The following DOCK4 variants were observed in gnomAD, a reference collection of about 807,000 sequenced individuals.
DOCK4 encodes the protein dedicator of cytokinesis protein 4.
Under a neutral mutation model 268.1 loss-of-function variants are expected in DOCK4, and 97 were observed. That is an observed-to-expected ratio of 0.36 (90% CI 0.31 to 0.43). DOCK4 has a LOEUF of 0.43. DOCK4 is among the 20% of genes least tolerant of loss of function. The pLI is 1.00. For missense variants in DOCK4, 2,145 were observed against 2,455.7 expected (o/e 0.87, Z 2.67); for synonymous variants, 954 against 887.2 (o/e 1.08, Z -1.34).
intron 17 of DOCK4, among the ~76,000 whole-genome samples, chr7:111,876,771 A>G (rs1200074236): frequency 6.9e-6 from 1 of 144,944 alleles, no homozygotes; most frequent in Non-Finnish European, 1.5e-5. Flanking sequence ...TTTTCAAAGC[A>G]TCTGGGTTTT....
chr7:112,101,850 T>TC (rs770639445), intron 1 of DOCK4, among the ~76,000 whole-genome samples: 2 of 151,474 alleles, frequency 1.3e-5, no homozygotes, highest in East Asian at 1.9e-4. Context: ...TTTTTCTTTT[T>TC]TTTTTTTTTG....
intron 1 of DOCK4, among the ~76,000 whole-genome samples, chr7:112,197,683 T>G (rs1820573661): frequency 6.6e-6 from 1 of 152,180 alleles, no homozygotes; most frequent in Non-Finnish European, 1.5e-5. Context: ...CTGTTTGAAA[T>G]TTGGGGTCTG....
rs190247203 is a variant in DOCK4, at chr7:112,144,719, T to C, written c.37+61383A>G. Among the ~76,000 whole-genome samples the C allele has an allele frequency of 2.2e-4, 34 of 152,320 alleles. 1 individual carries two copies. The highest frequency in any genetic ancestry group is 1.1e-3 in the Admixed American group (17 of 15,304). On this transcript the variant is annotated intron_variant, in intron 1 of 52. Coordinates refer to ENST00000428084, the MANE Select transcript of DOCK4 (RefSeq NM_001363540.2). ...TGGCACAGCTGAGAAAATATCCTAG[T>C]AGTTTTTGCAAACATCTTTCTATCA...
intron 1 of DOCK4, among the ~76,000 whole-genome samples, chr7:112,130,460 G>A (rs933875129): frequency 3.9e-5 from 6 of 152,128 alleles, no homozygotes; most frequent in African/African-American, 1.2e-4. Context: ...ACATAAACAA[G>A]ATGTCATGGT....
At chr7:112,037,388 C>T (rs1803902904) in intron 1 of DOCK4, among the ~76,000 whole-genome samples, 1 of 152,118 alleles carries the variant, frequency 6.6e-6, no homozygotes, top group Non-Finnish European at 1.5e-5. Flanking sequence ...TAACCAATGC[C>T]CCAACTAGGA....
At chr7:111,934,285 A>G (rs934148205) in intron 12 of DOCK4, among the ~76,000 whole-genome samples, 1 of 152,168 alleles carries the variant, frequency 6.6e-6, no homozygotes, top group Non-Finnish European at 1.5e-5. Context: ...TATATATGCT[A>G]TATAATGTAG....
At chr7:111,888,920 A>T (rs1051582777) in intron 16 of DOCK4, among the ~76,000 whole-genome samples, 1 of 152,114 alleles carries the variant, frequency 6.6e-6, no homozygotes, top group African/African-American at 2.4e-5. Flanking sequence ...GACACTAGAC[A>T]CCTGGCTTAG....
At chr7:112,000,080 C>T (rs1340648484) in intron 3 of DOCK4, among the ~76,000 whole-genome samples, 1 of 152,036 alleles carries the variant, frequency 6.6e-6, no homozygotes, top group Non-Finnish European at 1.5e-5. Context: ...GGACTCTTAA[C>T]ATGCCGCTAA....
chr7:111,828,990 TG>T (rs1236112427), intron 26 of DOCK4, among the ~76,000 whole-genome samples: 1 of 151,572 alleles, frequency 6.6e-6, no homozygotes, highest in African/African-American at 2.4e-5. Context: ...TAGGATACGT[TG>T]GGGGTTAGGA....
At chr7:112,205,772 GACACACACACAC>G (rs35579043) in intron 1 of DOCK4, among the ~76,000 whole-genome samples, 3 of 148,756 alleles carry the variant, frequency 2.0e-5, no homozygotes, top group African/African-American at 7.4e-5. Flanking sequence ...CTTCCAACTT[GACACACACACAC>G]ACACACACAC....
At chr7:112,057,774 T>A (rs1805968958) in intron 1 of DOCK4, among the ~76,000 whole-genome samples, 1 of 151,582 alleles carries the variant, frequency 6.6e-6, no homozygotes, top group Non-Finnish European at 1.5e-5. Flanking sequence ...GACCCTGTCT[T>A]TATAAAATAA....
At chr7:111,997,314 T>C (rs1800048725) in intron 4 of DOCK4, among the ~76,000 whole-genome samples, 1 of 152,218 alleles carries the variant, frequency 6.6e-6, no homozygotes, top group Non-Finnish European at 1.5e-5. Context: ...GTGGTAATTA[T>C]TAGAATTAGA....
chr7:111,817,053 A>G (rs902402972), intron 27 of DOCK4, among the ~76,000 whole-genome samples: 2 of 152,210 alleles, frequency 1.3e-5, no homozygotes, highest in African/African-American at 4.8e-5. Flanking sequence ...AATCACTCAT[A>G]TGGCAATAGC....
intron 30 of DOCK4, among the ~76,000 whole-genome samples, chr7:111,800,441 G>C (rs75635969): frequency 0.013 from 1,923 of 152,210 alleles, 19 homozygotes; most frequent in African/African-American, 0.026. Flanking sequence ...CCTCTCTAAT[G>C]GCAAGTCAAG....
At chr7:112,045,812 T>A (rs1359681017) in intron 1 of DOCK4, among the ~76,000 whole-genome samples, 1 of 152,152 alleles carries the variant, frequency 6.6e-6, no homozygotes, top group African/African-American at 2.4e-5. Flanking sequence ...CTAACAGTCA[T>A]CAAAAGCAAA....
chr7:111,815,631 C>A (rs1465694813), intron 27 of DOCK4, among the ~76,000 whole-genome samples: 2 of 139,948 alleles, frequency 1.4e-5, no homozygotes, highest in Non-Finnish European at 3.1e-5. Context: ...TCCTTCCCCT[C>A]CCCCATCCCC....
chr7:111,994,165 GTCTCT>G lies in DOCK4; in HGVS notation c.280_284del (p.Arg94LeufsTer12). 1 of 1,607,228 alleles carries G rather than the reference GTCTCT, an allele frequency of 6.2e-7. No individual in the cohort carries two copies. The highest frequency in any genetic ancestry group is 8.5e-7 in the Non-Finnish European group (1 of 1,175,786). On this transcript the variant is annotated frameshift_variant, in exon 5 of 53. Transcript: ENST00000428084. LOFTEE classifies it high-confidence loss of function. ...AGAGTTGTTTCCACATGGTTCCCCA[GTCTCT>G]TAATGTTGATGTCATTTCTGTGATA...
At chr7:112,004,264 A>C in intron 1 of DOCK4, 133 bp from the exon 2 acceptor site, 1 of 645,524 alleles carries the variant, frequency 1.5e-6, no homozygotes, top group East Asian at 3.1e-5. Flanking sequence ...TCATATTTTA[A>C]TTTTATATCT....
chr7:111,797,340 A>G (rs1309245957), intron 30 of DOCK4, among the ~76,000 whole-genome samples: 1 of 152,168 alleles, frequency 6.6e-6, no homozygotes, highest in Non-Finnish European at 1.5e-5. Flanking sequence ...TTCCCTTCTC[A>G]TTATAGAACC....
Sources: allele counts gnomAD v4.1 joint callset (sites outside exome capture counted in the v4.1 genomes callset), GRCh38; gene constraint gnomAD v4.1.1; transcripts MANE v1.5; gene names NCBI Gene and HGNC (gene_info 2026-07-23, HGNC 2026-07-21).